The following SORCS3 variants were observed in gnomAD, a reference collection of about 807,000 sequenced individuals.
SORCS3 encodes the protein VPS10 domain-containing receptor SorCS3.
In SORCS3, 57 loss-of-function variants were observed where a neutral mutation model predicts 146.3. The ratio of observed to expected loss-of-function variants is 0.39; its 90% CI spans 0.31 to 0.49. The LOEUF (loss-of-function observed/expected upper bound fraction) is 0.49, where lower values mean the gene tolerates loss of function less well. Ranked by LOEUF, SORCS3 falls within the 20% of genes least tolerant of loss-of-function variation. The probability of loss-of-function intolerance (pLI) is 0.92; values close to 1 mark genes in which losing one functional copy is unlikely to be tolerated. For synonymous variants in SORCS3, 653 were observed against 618.5 expected (o/e 1.06, Z -0.83); for missense variants, 1,341 against 1,575.5 (o/e 0.85, Z 2.52).
intron 4 of SORCS3, among the ~76,000 whole-genome samples, chr10:104,988,389 G>A (rs1375945017): frequency 4.6e-5 from 7 of 152,140 alleles, no homozygotes; most frequent in Non-Finnish European, 8.8e-5. Flanking sequence ...TTCTCAGCTG[G>A]TGGCAGTTTC....
At chr10:104,796,270 G>T (rs1452364851) in intron 1 of SORCS3, among the ~76,000 whole-genome samples, 1 of 152,216 alleles carries the variant, frequency 6.6e-6, no homozygotes, top group Non-Finnish European at 1.5e-5. Context: ...TTTCCAGAGT[G>T]TAAGAATTGT....
intron 4 of SORCS3, among the ~76,000 whole-genome samples, chr10:105,041,193 T>C (rs1354541169): frequency 1.3e-5 from 2 of 148,768 alleles, no homozygotes; most frequent in Non-Finnish European, 3.0e-5. Context: ...CCATCCAACC[T>C]TTCTCTTTAG....
intron 1 of SORCS3, among the ~76,000 whole-genome samples, chr10:104,652,449 T>G (rs1183525696): frequency 6.6e-6 from 1 of 152,136 alleles, no homozygotes; most frequent in African/African-American, 2.4e-5. Context: ...ATGGTGCACA[T>G]GGAAGCATTT....
chr10:104,775,504 G>C (rs539552140), intron 1 of SORCS3, among the ~76,000 whole-genome samples: 1 of 152,280 alleles, frequency 6.6e-6, no homozygotes, highest in East Asian at 1.9e-4. Context: ...GTAAGAAAAT[G>C]ATGATTTGGT....
intron 1 of SORCS3, among the ~76,000 whole-genome samples, chr10:104,761,855 T>A (rs1181904273): frequency 1.3e-5 from 2 of 152,176 alleles, no homozygotes; most frequent in Non-Finnish European, 2.9e-5. Context: ...TGGGGTGGTA[T>A]CTTATCAGCA....
intron 5 of SORCS3, among the ~76,000 whole-genome samples, chr10:105,067,251 G>T (rs150620013): frequency 8.1e-4 from 124 of 152,312 alleles, no homozygotes; most frequent in African/African-American, 2.9e-3. Flanking sequence ...ACAAGGCCAG[G>T]CATGGTGGCT....
At chr10:104,642,022 G>GGGGGT in intron 1 of SORCS3, 68 bp downstream of exon 1, 1 of 173,336 alleles carries the variant, frequency 5.8e-6, no homozygotes. Context: ...GGGTGGGTGG[G>GGGGGT]AGCGAGGGAC....
At chr10:105,125,253 T>C (rs1023548479) in intron 7 of SORCS3, among the ~76,000 whole-genome samples, 2 of 152,214 alleles carry the variant, frequency 1.3e-5, no homozygotes, top group Admixed American at 1.3e-4. Flanking sequence ...TAATTTTCTT[T>C]ATTATTGAAT....
intron 16 of SORCS3, among the ~76,000 whole-genome samples, chr10:105,207,895 G>C (rs1237902760): frequency 6.6e-6 from 1 of 152,148 alleles, no homozygotes; most frequent in Admixed American, 6.5e-5. Context: ...AAAATTGCTT[G>C]AGAGAGAGCA....
At chr10:104,716,629 C>T (rs574104966) in intron 1 of SORCS3, among the ~76,000 whole-genome samples, 1 of 152,218 alleles carries the variant, frequency 6.6e-6, no homozygotes, top group Admixed American at 6.5e-5. Flanking sequence ...ATCATTAGGA[C>T]CAAGGAGAGC....
intron 21 of SORCS3, among the ~76,000 whole-genome samples, chr10:105,246,640 T>C (rs920081661): frequency 3.3e-5 from 5 of 152,240 alleles, no homozygotes; most frequent in African/African-American, 1.2e-4. Flanking sequence ...GGAAGGTTTG[T>C]GTGTTTCTTT....
intron 4 of SORCS3, among the ~76,000 whole-genome samples, chr10:105,035,316 T>C (rs2692330): frequency 0.21 from 31,460 of 152,124 alleles, 3,515 homozygotes; most frequent in African/African-American, 0.29. Flanking sequence ...TAAGATCAAG[T>C]CTCCAGATTC....
intron 4 of SORCS3, among the ~76,000 whole-genome samples, chr10:104,988,035 C>A (rs1043384865): frequency 2.6e-5 from 4 of 152,202 alleles, no homozygotes; most frequent in Admixed American, 2.6e-4. Flanking sequence ...GACAAATTCT[C>A]TCATATATGT....
chr10:105,233,563 C>A (rs535207427), intron 20 of SORCS3, among the ~76,000 whole-genome samples: 2 of 152,270 alleles, frequency 1.3e-5, no homozygotes, highest in African/African-American at 2.4e-5. Flanking sequence ...CTTAGCCCCC[C>A]ACCCCTCCTT....
chr10:104,748,078 A>C (rs565343468), intron 1 of SORCS3, among the ~76,000 whole-genome samples: 1 of 152,370 alleles, frequency 6.6e-6, no homozygotes, highest in African/African-American at 2.4e-5. Context: ...ATATTGGCTA[A>C]GTTTGTCATG....
At chr10:105,128,992 A>T (rs774890487) in intron 7 of SORCS3, among the ~76,000 whole-genome samples, 1 of 152,170 alleles carries the variant, frequency 6.6e-6, no homozygotes, top group Non-Finnish European at 1.5e-5. Context: ...TTGCACATCT[A>T]ATAAATGATG....
At chr10:104,777,038 C>G (rs2017317788) in intron 1 of SORCS3, among the ~76,000 whole-genome samples, 2 of 151,920 alleles carry the variant, frequency 1.3e-5, no homozygotes, top group Non-Finnish European at 2.9e-5. Flanking sequence ...TGGGGGCATC[C>G]TACATGCCCA....
At chr10:104,997,128 A>T (rs1174017519) in intron 4 of SORCS3, among the ~76,000 whole-genome samples, 1 of 152,134 alleles carries the variant, frequency 6.6e-6, no homozygotes, top group Non-Finnish European at 1.5e-5. Flanking sequence ...AATAATAGGA[A>T]ATGTGATCAG....
intron 22 of SORCS3, among the ~76,000 whole-genome samples, chr10:105,250,911 G>A (rs368182717): frequency 2.1e-4 from 32 of 152,064 alleles, no homozygotes; most frequent in African/African-American, 6.3e-4. Context: ...ACTCCAATCC[G>A]TAAGCCTAAT....
Sources: gnomAD v4.1 joint callset for allele counts (sites outside exome capture counted in the v4.1 genomes callset) on GRCh38, gnomAD v4.1.1 for gene constraint, MANE v1.5 for transcripts, NCBI Gene and HGNC (gene_info 2026-07-23, HGNC 2026-07-21) for gene names.